Variants in SETD3 observed in about 807,000 individuals in gnomAD.
SETD3 encodes the protein actin-histidine N-methyltransferase.
In SETD3, 19 loss-of-function variants were observed where a neutral mutation model predicts 63.0. That is an observed-to-expected ratio of 0.30 (90% CI 0.21 to 0.44). The LOEUF is 0.44. Among genes scored for constraint, SETD3 ranks in the 20% least tolerant of loss-of-function variants. The pLI, the probability that SETD3 is intolerant of heterozygous loss-of-function variation, is 1.00. For synonymous variants in SETD3, 286 were observed against 264.1 expected (o/e 1.08, Z -0.80); for missense variants, 587 against 728.5 (o/e 0.81, Z 2.24).
rs772459327 is a variant in SETD3 at position 99,400,195 on chromosome 14, C to T, written c.1242G>A (p.Ser414=). The change falls in exon 12 of 13, where the codon TCG becomes TCA. Residue 414 remains serine (S), a synonymous_variant. Coordinates refer to ENST00000331768, the MANE Select transcript of SETD3 (RefSeq NM_032233.3). ...AIDRIFTLGN[S]EFPVSWDNEV... ...CGTTGTCCCAGCTAACAGGAAATTC[C>T]GAGTTCCCCAAGGTGAAGATTCTAT... is the stretch of plus-strand genomic sequence containing the variant. 13 of 1,613,986 alleles carry T rather than the reference C, an allele frequency of 8.1e-6. No individual in the cohort carries two copies. Among genetic ancestry groups the T allele is most frequent in the South Asian group, 2.2e-5 (2 of 91,080 alleles).
chr14:99,404,516 C>A (rs1353536359), intron 10 of SETD3, among the ~76,000 whole-genome samples: 5 of 152,184 alleles, frequency 3.3e-5, no homozygotes, highest in Non-Finnish European at 5.9e-5. Context: ...AGCGGACATC[C>A]AGAATTGGAG....
chr14:99,463,067 C>T (rs1402478077), intron 3 of SETD3, among the ~76,000 whole-genome samples: 3 of 152,186 alleles, frequency 2.0e-5, no homozygotes, highest in Admixed American at 2.0e-4. Context: ...ATGACCACAC[C>T]TCTTATTTAA....
At chr14:99,444,060 C>A (rs1893991044) in intron 6 of SETD3, among the ~76,000 whole-genome samples, 1 of 152,112 alleles carries the variant, frequency 6.6e-6, no homozygotes, top group Non-Finnish European at 1.5e-5. Flanking sequence ...ACCTAAGACA[C>A]CAATTTAACC....
chr14:99,412,834 C>T, intron 8 of SETD3, 117 bp downstream of exon 8: 2 of 732,106 alleles, frequency 2.7e-6, no homozygotes, highest in Non-Finnish European at 2.4e-6. Context: ...TTGTTTGTTC[C>T]TTTTGGAGGG....
intron 6 of SETD3, among the ~76,000 whole-genome samples, chr14:99,449,493 A>G (rs758199878): frequency 2.6e-5 from 4 of 152,262 alleles, no homozygotes; most frequent in Non-Finnish European, 5.9e-5. Context: ...CAGTCTACAC[A>G]TGATAAAATA....
Position 99,478,300 on chromosome 14 carries a change from T to C in SETD3, c.-9+2428A>G, listed in dbSNP as rs1205260997. On this transcript the variant is annotated intron_variant, in intron 1 of 12. Coordinates refer to ENST00000331768, the MANE Select transcript of SETD3 (RefSeq NM_032233.3). ...TTGAGGGAACAAAGTCACCACTCCA[T>C]TCCCAGGACTTCGGTCCAAGGGAAA... Among the ~76,000 whole-genome samples the C allele has an allele frequency of 3.9e-5, 6 of 152,314 alleles. No homozygotes were observed. The South Asian group carries it at 1.0e-3, about 26-fold the overall frequency.
chr14:99,482,964 G>A (rs1182415866), upstream of SETD3, among the ~76,000 whole-genome samples: 2 of 152,164 alleles, frequency 1.3e-5, no homozygotes, highest in Non-Finnish European at 2.9e-5. Flanking sequence ...TAATTGAGGA[G>A]ATTACAGAGT....
chr14:99,468,520 T>C (rs1895520945), intron 1 of SETD3, among the ~76,000 whole-genome samples: 2 of 152,100 alleles, frequency 1.3e-5, no homozygotes, highest in South Asian at 4.1e-4. Flanking sequence ...CAGTGTAAAA[T>C]ATACAGGGTC....
intron 6 of SETD3, among the ~76,000 whole-genome samples, chr14:99,444,108 T>A (rs953920860): frequency 2.0e-5 from 3 of 152,298 alleles, no homozygotes; most frequent in Admixed American, 1.3e-4. Context: ...GCTTGAAATC[T>A]GAGGTACTGT....
At chr14:99,466,602 G>A (rs1892111096) in intron 1 of SETD3, among the ~76,000 whole-genome samples, 1 of 100,270 alleles carries the variant, frequency 1.0e-5, no homozygotes, top group African/African-American at 3.9e-5. Context: ...AAGGGACATG[G>A]ATGTGTGAAG....
At chr14:99,481,608 A>C (rs1282769572), upstream of SETD3, 2 of 389,286 alleles carry the variant, frequency 5.1e-6, no homozygotes, top group African/African-American at 4.2e-5. Context: ...CCCTCCGCTA[A>C]CCTCCGGTAC....
chr14:99,429,139 C>T (rs1475289083), intron 6 of SETD3, among the ~76,000 whole-genome samples: 1 of 152,206 alleles, frequency 6.6e-6, no homozygotes, highest in Middle Eastern at 3.2e-3. Flanking sequence ...TCACTGCATG[C>T]TCCCTGGGTG....
chr14:99,472,711 G>C (rs1460225155), intron 1 of SETD3, among the ~76,000 whole-genome samples: 2 of 152,068 alleles, frequency 1.3e-5, no homozygotes, highest in Non-Finnish European at 2.9e-5. Context: ...TTAAATTACA[G>C]ATATTAGCCA....
At chr14:99,405,655 G>A (rs372245718) in intron 9 of SETD3, among the ~76,000 whole-genome samples, 1 of 152,112 alleles carries the variant, frequency 6.6e-6, no homozygotes, top group Non-Finnish European at 1.5e-5. Context: ...AAGGACCCCA[G>A]GTGACCTGGG....
At chr14:99,442,894 G>A (rs770743244) in intron 6 of SETD3, among the ~76,000 whole-genome samples, 16 of 152,092 alleles carry the variant, frequency 1.1e-4, no homozygotes, top group African/African-American at 2.9e-4. Flanking sequence ...AGAGGGGAGC[G>A]AATACCCAGG....
intron 8 of SETD3, chr14:99,409,703 T>C (rs1197054398): frequency 1.4e-5 from 2 of 147,834 alleles, no homozygotes; most frequent in African/African-American, 2.5e-5. Flanking sequence ...CACAAATATG[T>C]ATTATATTGA....
intron 6 of SETD3, among the ~76,000 whole-genome samples, chr14:99,434,467 G>A (rs1893357348): frequency 6.6e-6 from 1 of 152,126 alleles, no homozygotes; most frequent in Admixed American, 6.5e-5. Context: ...GACACGGGCG[G>A]GGCACTGACG....
At chr14:99,475,679 G>C (rs1186405560) in intron 1 of SETD3, among the ~76,000 whole-genome samples, 1 of 151,908 alleles carries the variant, frequency 6.6e-6, no homozygotes, top group Non-Finnish European at 1.5e-5. Context: ...TTTTTTTTAA[G>C]TCAACAAAAC....
chr14:99,413,829 T>G, intron 7 of SETD3, 47 bp downstream of exon 7: 5 of 1,594,870 alleles, frequency 3.1e-6, no homozygotes, highest in Non-Finnish European at 4.3e-6. Context: ...CCCACTTCAC[T>G]TAGAAACCAC....
Sources: allele counts gnomAD v4.1 joint callset (sites outside exome capture counted in the v4.1 genomes callset), GRCh38; gene constraint gnomAD v4.1.1; transcripts MANE v1.5; gene names NCBI Gene and HGNC (gene_info 2026-07-23, HGNC 2026-07-21).